Variants in GRID2 observed in about 807,000 individuals in gnomAD.
The protein encoded by GRID2 is glutamate ionotropic receptor delta type subunit 2.
A neutral mutation model predicts 114.8 loss-of-function variants in GRID2; 33 were observed. That is an observed-to-expected ratio of 0.29 (90% CI 0.22 to 0.38). The LOEUF (loss-of-function observed/expected upper bound fraction) is 0.38. Ranked by LOEUF, GRID2 falls within the 10% of genes least tolerant of loss-of-function variation. The probability of loss-of-function intolerance (pLI) is 1.00; values close to 1 mark genes in which losing one functional copy is unlikely to be tolerated. For missense variants in GRID2, 1,184 were observed against 1,257.7 expected, an observed-to-expected ratio of 0.94 and a Z score of 0.89; for synonymous variants, 505 against 449.9, an observed-to-expected ratio of 1.12 and a Z score of -1.55.
intron 14 of GRID2, among the ~76,000 whole-genome samples, chr4:93,687,459 C>T (rs773846750): frequency 6.6e-6 from 1 of 151,860 alleles, no homozygotes; most frequent in South Asian, 2.1e-4. Context: ...GAAGGCTGAG[C>T]TTTAAGGCAT....
At chr4:93,663,899 T>A (rs1265763582) in intron 14 of GRID2, among the ~76,000 whole-genome samples, 1 of 152,194 alleles carries the variant, frequency 6.6e-6, no homozygotes, top group Non-Finnish European at 1.5e-5. Context: ...TTCTCATACA[T>A]CACCTGGCTT....
rs1449826634 is a variant in GRID2 at position 93,218,492 on chromosome 4, C to T, written c.963+1581C>T. 3.3e-5 allele frequency among the ~76,000 whole-genome samples: 5 copies of T among 152,022 alleles called. No homozygotes were observed. The East Asian group carries it at 7.7e-4, about 24-fold the overall frequency. ...GCACTCCAGCCTCCAGCCTGGGTTT[C>T]AAAGTGAGTCCCTATTTCAAAATAA... On this transcript the variant is annotated intron_variant, in intron 6 of 15. Transcript: ENST00000282020.
At chr4:92,728,382 A>G (rs1004989355) in intron 2 of GRID2, among the ~76,000 whole-genome samples, 20 of 152,198 alleles carry the variant, frequency 1.3e-4, no homozygotes, top group African/African-American at 4.6e-4. Context: ...GGTGCAGTCA[A>G]GTGGTTTCAT....
At chr4:93,781,946 T>C (rs1734489271) in intron 1 of GRID2, among the ~76,000 whole-genome samples, 1 of 152,184 alleles carries the variant, frequency 6.6e-6, no homozygotes, top group Admixed American at 6.5e-5. Flanking sequence ...TCAAGTCAAA[T>C]GTTTTCTGAG....
chr4:92,896,943 T>C (rs1169408378), intron 2 of GRID2, among the ~76,000 whole-genome samples: 2 of 152,142 alleles, frequency 1.3e-5, no homozygotes, highest in Admixed American at 6.5e-5. Flanking sequence ...GGTTTCATCA[T>C]GTTTGCCAGG....
At chr4:93,387,468 T>G (rs939623377) in intron 8 of GRID2, among the ~76,000 whole-genome samples, 1 of 152,068 alleles carries the variant, frequency 6.6e-6, no homozygotes, top group African/African-American at 2.4e-5. Context: ...GGGGGAAAAA[T>G]CTCAGCTGAT....
intron 8 of GRID2, among the ~76,000 whole-genome samples, chr4:93,329,202 G>A (rs75788247): frequency 0.012 from 1,871 of 152,174 alleles, 35 homozygotes; most frequent in African/African-American, 0.043. Flanking sequence ...CTACAGAAGA[G>A]TCAAATAAGA....
intron 2 of GRID2, among the ~76,000 whole-genome samples, chr4:92,970,265 G>A (rs17020043): frequency 0.02 from 3,065 of 151,936 alleles, 43 homozygotes; most frequent in East Asian, 0.053. Flanking sequence ...GAAAGTGTTT[G>A]TACTTAATTG....
chr4:93,363,741 T>A (rs1019004001), intron 8 of GRID2, among the ~76,000 whole-genome samples: 10 of 152,074 alleles, frequency 6.6e-5, no homozygotes, highest in African/African-American at 2.2e-4. Context: ...ACTACAACAA[T>A]CTGTTTTTCT....
At chr4:92,442,466 G>A (rs190676894) in intron 1 of GRID2, among the ~76,000 whole-genome samples, 15,599 of 152,022 alleles carry the variant, frequency 0.1, 1,037 homozygotes, top group African/African-American at 0.18. Context: ...ACGCCTGGCC[G>A]CTGCGGTTCA....
At chr4:92,751,110 C>A (rs1453994532) in intron 2 of GRID2, among the ~76,000 whole-genome samples, 1 of 151,730 alleles carries the variant, frequency 6.6e-6, no homozygotes, top group African/African-American at 2.4e-5. Context: ...TATACAGATA[C>A]CCAATTAAGA....
At position 92,713,314 on chromosome 4, in the gene GRID2, A is replaced by G. The variant is rs535932737; in HGVS notation, c.244+123028A>G. Among the ~76,000 whole-genome samples the G allele has an allele frequency of 6.6e-5, 10 of 151,656 alleles. No homozygotes were observed. The South Asian group carries it at 1.5e-3, about 22-fold the overall frequency. On this transcript the variant is annotated intron_variant, in intron 2 of 15. Transcript: ENST00000282020. The stretch of plus-strand genomic sequence containing the variant: ...AGCTAAAATATTCTAACTTACCGGA[A>G]TATAGTAAACTTATGTTAGTAATAG...
At chr4:92,849,856 T>C (rs1743638259) in intron 2 of GRID2, among the ~76,000 whole-genome samples, 1 of 151,806 alleles carries the variant, frequency 6.6e-6, no homozygotes, top group African/African-American at 2.4e-5. Flanking sequence ...CTATGATTTT[T>C]AATGATTGAA....
At chr4:93,793,672 T>G (rs1734742069) in intron 1 of GRID2, among the ~76,000 whole-genome samples, 1 of 152,216 alleles carries the variant, frequency 6.6e-6, no homozygotes, top group African/African-American at 2.4e-5. Context: ...AGAAAACACC[T>G]TCTCAAATTC....
chr4:92,427,811 A>C (rs1357843184), intron 1 of GRID2, among the ~76,000 whole-genome samples: 2 of 152,198 alleles, frequency 1.3e-5, no homozygotes, highest in African/African-American at 2.4e-5. Context: ...ATCTTAATGA[A>C]TGCAAAGTTT....
chr4:93,498,920 A>G (rs989322343), intron 12 of GRID2, among the ~76,000 whole-genome samples: 3 of 151,882 alleles, frequency 2.0e-5, no homozygotes, highest in African/African-American at 7.2e-5. Context: ...TTTTTATTGT[A>G]GATATTATTT....
intron 2 of GRID2, among the ~76,000 whole-genome samples, chr4:92,906,669 A>T (rs543170977): frequency 6.6e-6 from 1 of 152,132 alleles, no homozygotes; most frequent in East Asian, 1.9e-4. Context: ...CCCAGGCTGG[A>T]GTGCAGTGGT....
At chr4:92,702,268 T>C (rs1033330872) in intron 2 of GRID2, 1 of 152,112 alleles carries the variant, frequency 6.6e-6, no homozygotes, top group African/African-American at 2.4e-5. Flanking sequence ...GTAGGGTTTG[T>C]TAAGGTGGCA....
intron 1 of GRID2, among the ~76,000 whole-genome samples, chr4:92,582,689 G>A (rs1200466606): frequency 6.6e-6 from 1 of 151,954 alleles, no homozygotes; most frequent in East Asian, 1.9e-4. Context: ...AATGATGGGT[G>A]TTGTGGCTTA....
Sources: allele counts gnomAD v4.1 joint callset (sites outside exome capture counted in the v4.1 genomes callset), GRCh38; gene constraint gnomAD v4.1.1; transcripts MANE v1.5; gene names NCBI Gene and HGNC (gene_info 2026-07-23, HGNC 2026-07-21).